Variants in RYR2 observed in about 807,000 individuals in gnomAD.
RYR2 encodes the protein cardiac muscle ryanodine receptor-calcium release channel.
Under a neutral mutation model 601.1 loss-of-function variants are expected in RYR2, and 227 were observed. The ratio of observed to expected loss-of-function variants is 0.38; its 90% CI spans 0.34 to 0.42. The LOEUF is 0.42. Ranked by LOEUF, RYR2 falls within the 10% of genes least tolerant of loss-of-function variation. The pLI is 1.00. For missense variants in RYR2, 4,646 were observed against 6,156.5 expected (o/e 0.75, Z 8.21); for synonymous variants, 2,223 against 2,175.1 (o/e 1.02, Z -0.61).
chr1:237,784,463 A>G lies in RYR2; in HGVS notation c.12751A>G (p.Asn4251Asp), dbSNP rs764955292. 2.5e-6 allele frequency: 4 copies of G among 1,613,560 alleles called. No individual in the cohort carries two copies. Among genetic ancestry groups the G allele is most frequent in the Non-Finnish European group, 3.4e-6 (4 of 1,179,782 alleles). The change falls in exon 90 of 105, where the codon AAT becomes GAT. Residue 4251 changes from asparagine to aspartate, a missense_variant. Physicochemically the swap from Asn to Asp is conservative, Grantham distance 23. This residue lies in a region of RYR2 where 364 missense variants were observed against 442.9 expected (regional missense o/e 0.82). Coordinates refer to ENST00000366574, the MANE Select transcript of RYR2 (RefSeq NM_001035.3). The surrounding 1 kb of genome is among the most constrained non-coding windows in gnomAD (Gnocchi z 7.1). ...VRSALFALRY[N>D]ILTLMRMLSL... ...GTCGGCCCTGTTTGCGCTCAGGTACAATATCTTGACCCTTATGCGAATGCT... is the reference window on the plus strand; with the variant it reads ...GTCGGCCCTGTTTGCGCTCAGGTACGATATCTTGACCCTTATGCGAATGCT...
chr1:237,145,166 C>T (rs1431831668), intron 1 of RYR2, among the ~76,000 whole-genome samples: 1 of 151,622 alleles, frequency 6.6e-6, no homozygotes, highest in Non-Finnish European at 1.5e-5. Context: ...ACGTATATAC[C>T]TATGTAACAA....
At chr1:237,047,553 A>G (rs1316544410) in intron 1 of RYR2, among the ~76,000 whole-genome samples, 1 of 151,838 alleles carries the variant, frequency 6.6e-6, no homozygotes, top group Non-Finnish European at 1.5e-5. Context: ...ACCCCTCTCC[A>G]TGTAATTATC....
chr1:237,667,930 GA>G lies in RYR2; in HGVS notation c.8567del (p.Lys2856ArgfsTer22). 3 of 1,582,056 alleles carry G rather than the reference GA, an allele frequency of 1.9e-6. No individual in the cohort carries two copies. Among genetic ancestry groups the G allele is most frequent in the Non-Finnish European group, 2.6e-6 (3 of 1,163,492 alleles). On this transcript the variant is annotated frameshift_variant, in exon 58 of 105. Transcript: ENST00000366574. LOFTEE classifies it high-confidence loss of function. ...AENYHNIWAKKKKMELESKGG... is the reference protein window; with the variant it reads ...AENYHNIWAKXKKMELESKGG... ...AAAACTACCATAATATATGGGCAAA[GA>G]AAAAGAAAATGGAGTTGGAGTCCAA...
At chr1:237,628,378 A>C (rs1470145411) in intron 41 of RYR2, among the ~76,000 whole-genome samples, 54 of 106,934 alleles carry the variant, frequency 5.0e-4, no homozygotes, top group Admixed American at 9.7e-4. Flanking sequence ...CCCTCCCCCC[A>C]CCCCACAACA....
At chr1:237,682,173 T>C (rs141241768) in intron 62 of RYR2, among the ~76,000 whole-genome samples, 1 of 152,284 alleles carries the variant, frequency 6.6e-6, no homozygotes, top group African/African-American at 2.4e-5. Context: ...TGGGTATATA[T>C]GATCTGTATT....
At chr1:237,104,391 C>T (rs1668445406) in intron 1 of RYR2, among the ~76,000 whole-genome samples, 1 of 152,140 alleles carries the variant, frequency 6.6e-6, no homozygotes, top group African/African-American at 2.4e-5. Context: ...TCTGCTCTGC[C>T]CTCACCCGCT....
At chr1:237,677,986 T>C (rs1685548703) in intron 60 of RYR2, 62 bp from the exon 61 acceptor site, 1 of 984,418 alleles carries the variant, frequency 1.0e-6, no homozygotes, top group Non-Finnish European at 1.6e-6. Context: ...CTTTGCATTA[T>C]GGATGAATAT....
chr1:237,448,205 G>T (rs1163087563), intron 14 of RYR2, among the ~76,000 whole-genome samples: 1 of 152,126 alleles, frequency 6.6e-6, no homozygotes, highest in Non-Finnish European at 1.5e-5. Flanking sequence ...GGGATTACAG[G>T]CGTGAGGCAC....
intron 70 of RYR2, among the ~76,000 whole-genome samples, chr1:237,710,729 G>A (rs1048960209): frequency 3.2e-5 from 1 of 31,518 alleles, no homozygotes; most frequent in Non-Finnish European, 9.0e-5. Flanking sequence ...TGCATGCCCG[G>A]TGACAGGTGG....
At chr1:237,438,654 C>T (rs1707622213) in intron 12 of RYR2, among the ~76,000 whole-genome samples, 1 of 152,106 alleles carries the variant, frequency 6.6e-6, no homozygotes, top group Non-Finnish European at 1.5e-5. Context: ...GGATTTAGCC[C>T]ATCTAATTAT....
intron 1 of RYR2, among the ~76,000 whole-genome samples, chr1:237,265,458 A>G (rs1688967919): frequency 6.6e-6 from 1 of 152,044 alleles, no homozygotes; most frequent in Non-Finnish European, 1.5e-5. Flanking sequence ...AGTAGCTGGG[A>G]CTACATGTGC....
chr1:237,188,782 T>A (rs1679648773), intron 1 of RYR2, among the ~76,000 whole-genome samples: 1 of 152,192 alleles, frequency 6.6e-6, no homozygotes, highest in Non-Finnish European at 1.5e-5. Context: ...GATTCTTAGA[T>A]GACTTGATCT....
intron 91 of RYR2, among the ~76,000 whole-genome samples, chr1:237,787,597 C>CAAAAAAA (rs778668137): frequency 1.8e-4 from 11 of 60,368 alleles, no homozygotes; most frequent in Non-Finnish European, 1.9e-4. Context: ...GTCTCAAAAA[C>CAAAAAAA]AAAAAAAAAA....
At chr1:237,599,412 T>G (rs2148495971) in intron 34 of RYR2, among the ~76,000 whole-genome samples, 1 of 152,200 alleles carries the variant, frequency 6.6e-6, no homozygotes, top group Non-Finnish European at 1.5e-5. Flanking sequence ...AACTAATACA[T>G]TCAGTAAATT....
intron 2 of RYR2, among the ~76,000 whole-genome samples, chr1:237,321,242 A>G (rs1483350813): frequency 2.0e-5 from 3 of 152,126 alleles, no homozygotes; most frequent in African/African-American, 7.2e-5. Flanking sequence ...TGATATAGCT[A>G]TTATTACTTG....
chr1:237,741,956 C>T (rs1691644487), intron 79 of RYR2, among the ~76,000 whole-genome samples: 1 of 151,666 alleles, frequency 6.6e-6, no homozygotes, highest in Admixed American at 6.6e-5. Flanking sequence ...GCAATGGCAG[C>T]ATAAAAAAAA....
intron 2 of RYR2, among the ~76,000 whole-genome samples, chr1:237,328,712 G>A (rs1236826034): frequency 2.6e-5 from 4 of 151,976 alleles, no homozygotes. Flanking sequence ...AATAATTTTA[G>A]CTTTAATTTG....
chr1:237,670,006 A>G (rs966142085), intron 58 of RYR2, among the ~76,000 whole-genome samples: 23 of 152,146 alleles, frequency 1.5e-4, no homozygotes, highest in Admixed American at 1.1e-3. Context: ...ACCATTGAGC[A>G]CTGAGTGAAC....
intron 16 of RYR2, among the ~76,000 whole-genome samples, chr1:237,464,440 T>C (rs1659836334): frequency 6.6e-6 from 1 of 152,098 alleles, no homozygotes; most frequent in South Asian, 2.1e-4. Flanking sequence ...TATTGCTGGT[T>C]CAAAGGGTCA....
Sources: allele counts gnomAD v4.1 joint callset (sites outside exome capture counted in the v4.1 genomes callset), GRCh38; gene constraint gnomAD v4.1.1; regional missense constraint gnomAD v4.1.1; non-coding constraint Gnocchi (gnomAD v3.1); transcripts MANE v1.5; gene names NCBI Gene and HGNC (gene_info 2026-07-23, HGNC 2026-07-21).